Variants in CAMK4 observed in about 807,000 individuals in gnomAD.
CAMK4 encodes calcium/calmodulin-dependent protein kinase type IV.
A neutral mutation model predicts 44.9 loss-of-function variants in CAMK4; 22 were observed. The ratio of observed to expected loss-of-function variants is 0.49; its 90% CI spans 0.35 to 0.70. CAMK4 has a LOEUF of 0.70. Ranked by LOEUF, CAMK4 falls within the 30% of genes least tolerant of loss-of-function variation. The probability of loss-of-function intolerance (pLI) is 0.01; values close to 1 mark genes in which losing one functional copy is unlikely to be tolerated. For synonymous variants in CAMK4, 218 were observed against 215.4 expected, an observed-to-expected ratio of 1.01 and a Z score of -0.11; for missense variants, 498 against 586.8, an observed-to-expected ratio of 0.85 and a Z score of 1.56.
intron 5 of CAMK4, among the ~76,000 whole-genome samples, chr5:111,406,279 G>C (rs950078870): frequency 3.3e-5 from 5 of 151,276 alleles, no homozygotes; most frequent in African/African-American, 1.2e-4. Context: ...GGAGTGCAGT[G>C]GTGTGATATT....
At chr5:111,351,991 T>C (rs945067728) in intron 2 of CAMK4, among the ~76,000 whole-genome samples, 1 of 151,994 alleles carries the variant, frequency 6.6e-6, no homozygotes, top group African/African-American at 2.4e-5. Flanking sequence ...TTCAAAAGAG[T>C]AGAGAGGAAG....
intron 7 of CAMK4, among the ~76,000 whole-genome samples, chr5:111,456,135 T>G (rs557460825): frequency 6.6e-6 from 1 of 151,892 alleles, no homozygotes; most frequent in South Asian, 2.1e-4. Flanking sequence ...ATTCGGGGAG[T>G]TGGTTTGAGG....
intron 1 of CAMK4, among the ~76,000 whole-genome samples, chr5:111,225,865 A>T (rs1212161060): frequency 1.3e-5 from 2 of 152,228 alleles, no homozygotes; most frequent in Non-Finnish European, 2.9e-5. Flanking sequence ...GAAGTATTTG[A>T]GCACTGAATA....
intron 1 of CAMK4, among the ~76,000 whole-genome samples, chr5:111,230,905 A>C (rs1241496085): frequency 6.6e-6 from 1 of 152,118 alleles, no homozygotes; most frequent in Non-Finnish European, 1.5e-5. Context: ...TAAAATTTCA[A>C]GGTCAAATTC....
In CAMK4 at chr5:111,494,421, T is replaced by C. The variant is rs1206674144; in HGVS notation, c.*9955T>C. ...AGTCTGGCCTGGGCATAAATGTACA[T>C]ACAGAAAATGTTTGTAGAGAATTCA... is the stretch of plus-strand genomic sequence containing the variant. On this transcript the variant is annotated 3_prime_UTR_variant, in exon 11 of 11. Coordinates refer to ENST00000282356, the MANE Select transcript of CAMK4 (RefSeq NM_001744.6). 6.6e-6 allele frequency: 1 copy of C among 152,158 alleles called. No individual in the cohort carries two copies. Among genetic ancestry groups the C allele is most frequent in the Non-Finnish European group, 1.5e-5 (1 of 68,026 alleles). 9.4% of individuals were successfully genotyped at this position (152,158 alleles called of 1,614,324 possible).
intron 2 of CAMK4, among the ~76,000 whole-genome samples, chr5:111,367,585 A>G (rs1327137339): frequency 6.6e-6 from 1 of 152,098 alleles, no homozygotes; most frequent in African/African-American, 2.4e-5. Context: ...TAGCTATTTC[A>G]TGCAGGTTAG....
At chr5:111,273,675 A>G (rs1750611684) in intron 1 of CAMK4, among the ~76,000 whole-genome samples, 1 of 79,484 alleles carries the variant, frequency 1.3e-5, no homozygotes, top group African/African-American at 4.4e-5. Context: ...TAAAAAATGC[A>G]TTTATATATA....
chr5:111,315,400 G>C (rs79184438), intron 1 of CAMK4, among the ~76,000 whole-genome samples: 1 of 152,036 alleles, frequency 6.6e-6, no homozygotes, highest in Non-Finnish European at 1.5e-5. Context: ...ACATAGAAAA[G>C]CTCATTTATT....
chr5:111,370,675 G>A (rs1281091022), intron 2 of CAMK4, among the ~76,000 whole-genome samples: 2 of 152,242 alleles, frequency 1.3e-5, no homozygotes, highest in Admixed American at 1.3e-4. Context: ...CCAGCACTTT[G>A]GGAGGCCGAC....
chr5:111,346,206 TG>T (rs1232025029), intron 2 of CAMK4, among the ~76,000 whole-genome samples: 3 of 151,816 alleles, frequency 2.0e-5, no homozygotes, highest in African/African-American at 7.3e-5. Flanking sequence ...AAAAGTGATG[TG>T]GGGAAAATGT....
intron 1 of CAMK4, among the ~76,000 whole-genome samples, chr5:111,252,753 A>C (rs1010358121): frequency 6.6e-6 from 1 of 152,224 alleles, no homozygotes; most frequent in Non-Finnish European, 1.5e-5. Context: ...TCCTGGAGAA[A>C]TTATTTTATC....
chr5:111,268,739 A>C (rs1415615648), intron 1 of CAMK4, among the ~76,000 whole-genome samples: 1 of 152,206 alleles, frequency 6.6e-6, no homozygotes, highest in Admixed American at 6.5e-5. Flanking sequence ...GACATGTCAA[A>C]GATAATTTGT....
In CAMK4 at chr5:111,352,587, G is replaced by T. The variant is rs80007759; in HGVS notation, c.240+8485G>T. Among the ~76,000 whole-genome samples the T allele has an allele frequency of 5.5e-3, 824 of 149,584 alleles. 9 individuals carry two copies. Among genetic ancestry groups the T allele is most frequent in the African/African-American group, 0.019 (762 of 40,972 alleles). On this transcript the variant is annotated intron_variant, in intron 2 of 10. Transcript: ENST00000282356. The stretch of plus-strand genomic sequence containing the variant: ...AGGCTGAGAAGTCCAAAATCAAGGG[G>T]CCAGCATGTGGTGAGGGGCTTCTTC...
chr5:111,265,623 C>T lies in CAMK4; in HGVS notation c.161+40979C>T, dbSNP rs536811567. ...TTTATAGCTCATTATAAGGTATGCA[C>T]ATGAGAGTAAGATATTTACCCAATC... is the stretch of plus-strand genomic sequence containing the variant. On this transcript the variant is annotated intron_variant, in intron 1 of 10. Transcript: ENST00000282356. Among the ~76,000 whole-genome samples, 3 of 152,226 alleles carry T rather than the reference C, an allele frequency of 2.0e-5. No homozygotes were observed. In the East Asian group the frequency reaches 5.8e-4, roughly 29 times the overall value.
chr5:111,442,517 C>CATAT (rs58032491), intron 5 of CAMK4, among the ~76,000 whole-genome samples: 2,157 of 142,010 alleles, frequency 0.015, 23 homozygotes, highest in Middle Eastern at 0.022. Flanking sequence ...AAAACCAAAA[C>CATAT]ATATATATAT....
rs202158736 is a variant in CAMK4 at position 111,406,640 on chromosome 5, A to G, written c.459+11858A>G. ...AGACCCACTAAAGCTTCTAGACCAG[A>G]TGACTCTGGGCTCACTTTGCACACA... On this transcript the variant is annotated intron_variant, in intron 5 of 10. Coordinates refer to ENST00000282356, the MANE Select transcript of CAMK4 (RefSeq NM_001744.6). Among the ~76,000 whole-genome samples the G allele has an allele frequency of 5.3e-5, 8 of 151,386 alleles. No homozygotes were observed. In the East Asian group the frequency reaches 1.2e-3, roughly 22 times the overall value.
chr5:111,393,230 G>A (rs1294806595), intron 4 of CAMK4, among the ~76,000 whole-genome samples: 2 of 152,114 alleles, frequency 1.3e-5, no homozygotes, highest in African/African-American at 2.4e-5. Context: ...ATGAAATGGA[G>A]CATAATTGAA....
chr5:111,446,237 TACTC>T (rs1754022977), intron 5 of CAMK4, among the ~76,000 whole-genome samples: 1 of 152,240 alleles, frequency 6.6e-6, no homozygotes, highest in South Asian at 2.1e-4. Flanking sequence ...ATGTCTAAAA[TACTC>T]ACATCTATAT....
intron 1 of CAMK4, among the ~76,000 whole-genome samples, chr5:111,253,429 G>A (rs945974622): frequency 6.6e-6 from 1 of 152,152 alleles, no homozygotes; most frequent in Non-Finnish European, 1.5e-5. Context: ...CTGTTCTGCT[G>A]CAACAGATGG....
Sources: gnomAD v4.1 joint callset for allele counts (sites outside exome capture counted in the v4.1 genomes callset) on GRCh38, gnomAD v4.1.1 for gene constraint, MANE v1.5 for transcripts, NCBI Gene and HGNC (gene_info 2026-07-23, HGNC 2026-07-21) for gene names.